The following EPHX2 variants were observed in gnomAD, a reference collection of about 807,000 sequenced individuals.
The protein encoded by EPHX2 is epoxide hydrolase 2.
In EPHX2, 74 loss-of-function variants were observed where a neutral mutation model predicts 78.7. The observed-to-expected ratio is 0.94, with a 90% confidence interval of 0.78 to 1.14. EPHX2 has a LOEUF of 1.14. Ranked by LOEUF, EPHX2 falls within the 50% of genes most tolerant of loss-of-function variation. EPHX2 has a pLI of 0.00. For synonymous variants in EPHX2, 251 were observed against 255.2 expected (o/e 0.98, Z 0.16); for missense variants, 715 against 702.5 (o/e 1.02, Z -0.20).
chr8:27,515,545 A>G lies in EPHX2; in HGVS notation c.736-173A>G, dbSNP rs1326285504. 8.5e-6 allele frequency: 5 copies of G among 589,520 alleles called. No individual in the cohort carries two copies. In the East Asian group the frequency reaches 1.1e-4, roughly 13 times the overall value. The allele number at this position is 589,520 out of a possible 1,614,324, so 36.5% of individuals were successfully genotyped here. On this transcript the variant is annotated intron_variant, in intron 6 of 18. Coordinates refer to ENST00000521400, the MANE Select transcript of EPHX2 (RefSeq NM_001979.6). ...CCTGTTTTTATTGAGTAGGTTGGCC[A>G]GGGCCTCTTCTCAGCCATTTTCATG...
downstream of EPHX2, among the ~76,000 whole-genome samples, chr8:27,548,311 A>G (rs767370729): frequency 3.3e-5 from 5 of 152,224 alleles, no homozygotes; most frequent in South Asian, 2.1e-4. Flanking sequence ...AAAGCAAACA[A>G]TGGTTAAAAT....
chr8:27,532,643 C>G (rs993638554), intron 12 of EPHX2, among the ~76,000 whole-genome samples: 2 of 152,156 alleles, frequency 1.3e-5, no homozygotes, highest in African/African-American at 4.8e-5. Flanking sequence ...TGTTCCTCAG[C>G]TTGTAGACAC....
intron 11 of EPHX2, among the ~76,000 whole-genome samples, chr8:27,522,765 G>T (rs1275078844): frequency 6.6e-6 from 1 of 151,752 alleles, no homozygotes; most frequent in Non-Finnish European, 1.5e-5. Flanking sequence ...TTTGAGACCA[G>T]CCCTGGCCAA....
chr8:27,491,309 G>A lies in EPHX2; in HGVS notation c.101G>A (p.Arg34Lys), dbSNP rs1332444891. 3 of 1,516,888 alleles carry A rather than the reference G, an allele frequency of 2.0e-6. No homozygotes were observed. Among genetic ancestry groups the A allele is most frequent in the Non-Finnish European group, 2.6e-6 (3 of 1,144,364 alleles). The allele number at this position is 1,516,888 out of a possible 1,614,324, so 94.0% of individuals were successfully genotyped here. A position where few individuals can be genotyped will look rare whatever the true frequency, so the allele number is the denominator to read the frequency against. ...GRTEEALALP[R>K]GLLNDAFQKG... The stretch of plus-strand genomic sequence containing the variant: ...ACGGAGGAGGCCCTGGCGCTGCCCA[G>A]GTAAGGGGGCCCAGCGCCGCCGCCG... Residue 34 changes from arginine (R) to lysine (K), a missense_variant and splice_region_variant, in exon 1 of 19, where the codon AGA (arginine) becomes AAA (lysine). Coordinates refer to ENST00000521400, the MANE Select transcript of EPHX2 (RefSeq NM_001979.6).
At chr8:27,505,226 G>A in intron 4 of EPHX2, 80 bp downstream of exon 4, 2 of 1,449,684 alleles carry the variant, frequency 1.4e-6, no homozygotes, top group South Asian at 1.2e-5. Context: ...TGAGCAGGTG[G>A]GATGCATCTT....
intron 5 of EPHX2, among the ~76,000 whole-genome samples, chr8:27,509,055 A>G (rs1197649337): frequency 1.4e-5 from 2 of 144,836 alleles, no homozygotes; most frequent in East Asian, 4.1e-4. Flanking sequence ...GCCCCTGGCA[A>G]CCCCCATCCT....
At position 27,538,870 on chromosome 8, in the gene EPHX2, G is replaced by A. The variant is rs1290528655; in HGVS notation, c.1276+178G>A. ...CTCTAACCCCAGGCCTGAGCACACA[G>A]CCTGGAGTTCCTACCCTCTAGGGAG... On this transcript the variant is annotated intron_variant, in intron 14 of 18. Transcript: ENST00000521400. The A allele has an allele frequency of 1.7e-5, 11 of 648,662 alleles. No homozygotes were observed. In the East Asian group the frequency reaches 3.1e-4, roughly 18 times the overall value. 40.2% of individuals were successfully genotyped at this position (648,662 alleles called of 1,614,324 possible).
chr8:27,512,100 G>GAA (rs869166083), intron 6 of EPHX2, 190 bp downstream of exon 6: 1,454 of 138,722 alleles, frequency 0.01, 7 homozygotes, highest in Middle Eastern at 0.023. Context: ...CCTGTCTCAA[G>GAA]AAAAAAAAAA....
chr8:27,506,874 C>A lies in EPHX2; in HGVS notation c.540C>A (p.Val180=). 5 of 1,613,716 alleles carry A rather than the reference C, an allele frequency of 3.1e-6. No homozygotes were observed. The highest frequency in any genetic ancestry group is 2.2e-5 in the South Asian group (2 of 90,966). Residue 180 remains valine (V), a splice_region_variant and synonymous_variant, in exon 5 of 19, where the codon GTC becomes GTA. Coordinates refer to ENST00000521400, the MANE Select transcript of EPHX2 (RefSeq NM_001979.6). ...LDTLKASPSE[V]VFLDDIGANL... ...CTCCCATGCTGTTTTGGGCTCAGGT[C>A]GTTTTTTTGGATGACATCGGGGCTA...
chr8:27,498,139 TC>T, intron 1 of EPHX2, among the ~76,000 whole-genome samples: 1 of 152,188 alleles, frequency 6.6e-6, no homozygotes, highest in Non-Finnish European at 1.5e-5. Context: ...TCTGAAAACT[TC>T]CCCAGGTCTA....
chr8:27,495,546 A>G (rs145142525), intron 1 of EPHX2, among the ~76,000 whole-genome samples: 2,669 of 152,312 alleles, frequency 0.018, 23 homozygotes, highest in Middle Eastern at 0.031. Context: ...GTTCAGGGCC[A>G]CACACAAGCG....
chr8:27,518,342 G>A (rs1051260142), intron 9 of EPHX2, among the ~76,000 whole-genome samples: 6 of 152,240 alleles, frequency 3.9e-5, no homozygotes, highest in Non-Finnish European at 4.4e-5. Flanking sequence ...AGCCAGTAGA[G>A]CCAGGTTGGA....
chr8:27,523,014 A>G (rs1400933810), intron 11 of EPHX2, among the ~76,000 whole-genome samples: 1 of 151,212 alleles, frequency 6.6e-6, no homozygotes, highest in Non-Finnish European at 1.5e-5. Flanking sequence ...TGTGTTAGGA[A>G]GCGGCACCTG....
At chr8:27,506,437 C>A (rs1480764345) in intron 4 of EPHX2, among the ~76,000 whole-genome samples, 1 of 152,232 alleles carries the variant, frequency 6.6e-6, no homozygotes, top group African/African-American at 2.4e-5. Flanking sequence ...TGACACTTTT[C>A]TTAGAAACTA....
intron 16 of EPHX2, among the ~76,000 whole-genome samples, chr8:27,542,387 C>T (rs769803274): frequency 6.6e-6 from 1 of 152,166 alleles, no homozygotes; most frequent in Non-Finnish European, 1.5e-5. Flanking sequence ...GCTTCTTCTG[C>T]AATATGCAAG....
At chr8:27,525,099 TGTGTGTGTGCGCGCGC>T (rs1348383642) in intron 11 of EPHX2, among the ~76,000 whole-genome samples, 2 of 136,176 alleles carry the variant, frequency 1.5e-5, no homozygotes, top group African/African-American at 6.4e-5. Context: ...TGTGTGTGTG[TGTGTGTGTGCGCGCGC>T]GCGCGCGCAC....
chr8:27,508,939 C>T (rs1205018283), intron 5 of EPHX2, among the ~76,000 whole-genome samples: 1 of 144,368 alleles, frequency 6.9e-6, no homozygotes, highest in African/African-American at 2.6e-5. Context: ...TGGCAACCCC[C>T]ATCCTGCTTT....
intron 5 of EPHX2, among the ~76,000 whole-genome samples, chr8:27,509,843 G>A (rs373765205): frequency 1.3e-5 from 2 of 152,196 alleles, no homozygotes. Flanking sequence ...TTTGTAAATT[G>A]CACAAACATA....
intron 4 of EPHX2, among the ~76,000 whole-genome samples, chr8:27,506,096 G>C (rs115874533): frequency 0.013 from 1,985 of 152,116 alleles, 38 homozygotes; most frequent in African/African-American, 0.045. Context: ...TCAAGTGATC[G>C]TCCTGCCTCA....
Sources: gnomAD v4.1 joint callset for allele counts (sites outside exome capture counted in the v4.1 genomes callset) on GRCh38, gnomAD v4.1.1 for gene constraint, MANE v1.5 for transcripts, NCBI Gene and HGNC (gene_info 2026-07-23, HGNC 2026-07-21) for gene names.